Variants in TUBB6 observed in about 807,000 individuals in gnomAD.
TUBB6 encodes the protein tubulin beta 6 class V.
TUBB6 carries 18 observed loss-of-function variants against 32.3 expected under a neutral mutation model. That is an observed-to-expected ratio of 0.56 (90% CI 0.39 to 0.83). TUBB6 has a LOEUF of 0.83. TUBB6 is among the 40% of genes least tolerant of loss of function. TUBB6 has a pLI of 0.00. For synonymous variants in TUBB6, 280 were observed against 265.8 expected (o/e 1.05, Z -0.52); for missense variants, 480 against 632.0 (o/e 0.76, Z 2.58).
intron 3 of TUBB6, among the ~76,000 whole-genome samples, chr18:12,314,722 A>G (rs986281230): frequency 3.3e-5 from 5 of 152,230 alleles, no homozygotes; most frequent in African/African-American, 1.2e-4. Flanking sequence ...AAAGACAGGC[A>G]TAAATGTAGC....
intron 2 of TUBB6, 105 bp downstream of exon 2, chr18:12,308,900 TG>T: frequency 1.4e-6 from 1 of 735,128 alleles, no homozygotes. Flanking sequence ...TCTCTCGGGG[TG>T]TAGCAGGATG....
rs1346476839 is a variant in TUBB6, at chr18:12,310,993, A to G, written c.217A>G (p.Met73Val). Residue 73 changes from methionine (M) to valine (V), a missense_variant, in exon 3 of 4, where the codon ATG becomes GTG. Transcript: ENST00000317702. ...AALVDLEPGT[M>V]DSVRSGPFGQ... ...CCTGGTGGACTTAGAGCCAGGCACC[A>G]TGGACAGCGTGCGGTCTGGGCCTTT... The G allele has an allele frequency of 2.5e-6, 4 of 1,613,862 alleles. No homozygotes were observed. Among genetic ancestry groups the G allele is most frequent in the Non-Finnish European group, 2.5e-6 (3 of 1,179,824 alleles).
intron 3 of TUBB6, among the ~76,000 whole-genome samples, chr18:12,312,630 C>T (rs1394295600): frequency 6.6e-6 from 1 of 152,094 alleles, no homozygotes; most frequent in African/African-American, 2.4e-5. Flanking sequence ...AGATTAAAGA[C>T]AACATCTTAA....
At chr18:12,308,446 C>A in intron 1 of TUBB6, 97 bp downstream of exon 1, 1 of 1,028,056 alleles carries the variant, frequency 9.7e-7, no homozygotes. Context: ...ACCCGCTGTG[C>A]GCCCCTGGGT....
chr18:12,310,750 A>G (rs1325759570), intron 2 of TUBB6, among the ~76,000 whole-genome samples, 193 bp from the exon 3 acceptor site: 2 of 152,146 alleles, frequency 1.3e-5, no homozygotes, highest in African/African-American at 4.8e-5. Context: ...CAGCCTCCCA[A>G]TGTGCTGAGA....
downstream of TUBB6, among the ~76,000 whole-genome samples, chr18:12,328,035 T>G (rs928701758): frequency 1.3e-5 from 2 of 152,182 alleles, no homozygotes; most frequent in Non-Finnish European, 1.5e-5. Flanking sequence ...AAACACCCTA[T>G]GAGGAAAGGA....
At chr18:12,311,811 TTACATGAAGTGG>T (rs1399705574) in intron 3 of TUBB6, among the ~76,000 whole-genome samples, 2 of 152,110 alleles carry the variant, frequency 1.3e-5, no homozygotes, top group African/African-American at 4.8e-5. Flanking sequence ...TTATATAAAA[TTACATGAAGTGG>T]TACCATTAGT....
chr18:12,319,141 T>C (rs1471998499), intron 3 of TUBB6, among the ~76,000 whole-genome samples: 57 of 53,524 alleles, frequency 1.1e-3, no homozygotes, highest in African/African-American at 2.0e-3. Flanking sequence ...TTCCTTTTTT[T>C]TTTTTTTCTT....
chr18:12,308,185 C>CGGGGCG (rs990192875), upstream of TUBB6: 57 of 732,604 alleles, frequency 7.8e-5, no homozygotes, highest in East Asian at 1.1e-3. Context: ...TGGCGAGCGG[C>CGGGGCG]GGGGCGGGGG....
intron 2 of TUBB6, 39 bp from the exon 3 acceptor site, chr18:12,310,904 C>T (rs773247117): frequency 1.1e-5 from 16 of 1,460,356 alleles, no homozygotes; most frequent in African/African-American, 2.8e-5. Flanking sequence ...CTTTAGAAAC[C>T]TGAAAGTAAC....
chr18:12,316,631 CAT>C (rs1198025988), intron 3 of TUBB6, among the ~76,000 whole-genome samples: 1 of 152,134 alleles, frequency 6.6e-6, no homozygotes, highest in African/African-American at 2.4e-5. Context: ...GTTAAAATAA[CAT>C]ATTATGGAGA....
downstream of TUBB6, chr18:12,329,803 C>T (rs551654812): frequency 6.3e-7 from 1 of 1,585,858 alleles, no homozygotes. Context: ...GAACAATTTT[C>T]ATTAAATACA....
chr18:12,324,247 G>A (rs1907140903), intron 3 of TUBB6, among the ~76,000 whole-genome samples: 2 of 151,942 alleles, frequency 1.3e-5, no homozygotes, highest in African/African-American at 4.8e-5. Context: ...GCAGGCGCCT[G>A]TAGTCCCGGC....
upstream of TUBB6, chr18:12,307,944 C>G (rs1906072678): frequency 6.6e-6 from 1 of 152,132 alleles, no homozygotes; most frequent in Admixed American, 6.5e-5. Flanking sequence ...TGCCCCGACG[C>G]CAGGGCCCGA....
At chr18:12,312,267 A>G (rs1015576030) in intron 3 of TUBB6, among the ~76,000 whole-genome samples, 3 of 151,880 alleles carry the variant, frequency 2.0e-5, no homozygotes, top group African/African-American at 4.9e-5. Context: ...AGATGCAAAA[A>G]TCCAAAATAA....
At chr18:12,322,194 G>C (rs976878199) in intron 3 of TUBB6, among the ~76,000 whole-genome samples, 15 of 151,742 alleles carry the variant, frequency 9.9e-5, no homozygotes, top group Admixed American at 7.2e-4. Flanking sequence ...CCAGCTTCTC[G>C]GGGGGCTGAA....
downstream of TUBB6, chr18:12,329,615 C>G: frequency 6.2e-7 from 1 of 1,614,190 alleles, no homozygotes; most frequent in Non-Finnish European, 8.5e-7. Context: ...TTTTCCCGCT[C>G]CTTGTTCCAG....
intron 1 of TUBB6, 119 bp downstream of exon 1, chr18:12,308,468 G>A (rs904393567): frequency 1.1e-6 from 1 of 903,008 alleles, no homozygotes; most frequent in Non-Finnish European, 1.5e-6. Flanking sequence ...CTCGGAGCCC[G>A]GTGCGGACCC....
At chr18:12,327,617 C>T (rs998194250), downstream of TUBB6, among the ~76,000 whole-genome samples, 30 of 152,156 alleles carry the variant, frequency 2.0e-4, no homozygotes, top group African/African-American at 6.8e-4. Flanking sequence ...TCTGTGTGAC[C>T]GTGGAAAGAT....
Sources: gnomAD v4.1 joint callset for allele counts (sites outside exome capture counted in the v4.1 genomes callset) on GRCh38, gnomAD v4.1.1 for gene constraint, MANE v1.5 for transcripts, NCBI Gene and HGNC (gene_info 2026-07-23, HGNC 2026-07-21) for gene names.